SV2C: variants seen among roughly 807,000 people sequenced by gnomAD.
SV2C encodes the protein solute carrier family 22 member B3.
A neutral mutation model predicts 79.7 loss-of-function variants in SV2C; 49 were observed. The ratio of observed to expected loss-of-function variants is 0.61; its 90% CI spans 0.49 to 0.78. SV2C has a LOEUF of 0.78. Ranked by LOEUF, SV2C falls within the 30% of genes least tolerant of loss-of-function variation. SV2C has a pLI of 0.00. For missense variants in SV2C, 833 were observed against 912.9 expected, an observed-to-expected ratio of 0.91 and a Z score of 1.13; for synonymous variants, 334 against 333.2, an observed-to-expected ratio of 1.00 and a Z score of -0.03.
intron 12 of SV2C, among the ~76,000 whole-genome samples, chr5:76,310,057 A>AC (rs1380968864): frequency 6.6e-6 from 1 of 152,164 alleles, no homozygotes; most frequent in African/African-American, 2.4e-5. Flanking sequence ...TTCAAAAAAA[A>AC]AAAATGATTA....
chr5:76,086,492 C>G (rs767052612), intron 1 of SV2C, among the ~76,000 whole-genome samples: 1 of 152,172 alleles, frequency 6.6e-6, no homozygotes, highest in African/African-American at 2.4e-5. Flanking sequence ...AAGGGAAAAC[C>G]TTCAATACAC....
the SV2C span, among the ~76,000 whole-genome samples, chr5:75,973,259 G>A: frequency 6.6e-6 from 1 of 151,776 alleles, no homozygotes; most frequent in Non-Finnish European, 1.5e-5. Flanking sequence ...ACACCAACAT[G>A]GCACATGTAT....
chr5:75,866,489 A>G, the SV2C span, among the ~76,000 whole-genome samples: 1 of 152,244 alleles, frequency 6.6e-6, no homozygotes, highest in Admixed American at 6.5e-5. Flanking sequence ...CTCAAAGAAG[A>G]TAGTGAATAT....
At chr5:76,160,136 A>C (rs929562318) in intron 2 of SV2C, among the ~76,000 whole-genome samples, 2 of 152,156 alleles carry the variant, frequency 1.3e-5, no homozygotes, top group African/African-American at 4.8e-5. Context: ...TTTGCAAATG[A>C]ATCTACAGAT....
chr5:76,236,116 C>T (rs1374433699), intron 4 of SV2C, among the ~76,000 whole-genome samples: 1 of 152,188 alleles, frequency 6.6e-6, no homozygotes, highest in African/African-American at 2.4e-5. Context: ...ATGTCAGCAG[C>T]ATACCCAAAG....
chr5:75,917,201 A>AT, the SV2C span, among the ~76,000 whole-genome samples: 2 of 152,128 alleles, frequency 1.3e-5, no homozygotes, highest in Non-Finnish European at 1.5e-5. Flanking sequence ...TAAGATAGTT[A>AT]TTTTTTTCAA....
rs1561303070 is a variant in SV2C at position 76,295,803 on chromosome 5, C to T, written c.1363C>T (p.Pro455Ser). 6.2e-7 allele frequency: 1 copy of T among 1,611,656 alleles called. No homozygotes were observed. The highest frequency in any genetic ancestry group is 1.7e-5 in the Admixed American group (1 of 59,210). ...FGYYGLSVWF[P>S]DVIKPLQSDE... ...GTACTATGGATTATCCGTTTGGTTC[C>T]CTGATGTCATTAAACCTCTGCAGTC... is the stretch of plus-strand genomic sequence containing the variant. Residue 455 changes from proline to serine, a missense_variant, in exon 9 of 13, where the codon CCT becomes TCT. By Grantham distance (74) the Pro-to-Ser change is moderately conservative. Coordinates refer to ENST00000502798, the MANE Select transcript of SV2C (RefSeq NM_014979.4).
chr5:76,064,747 G>T, the SV2C span, among the ~76,000 whole-genome samples: 1 of 152,090 alleles, frequency 6.6e-6, no homozygotes, highest in South Asian at 2.1e-4. Flanking sequence ...AGAAGGTTAA[G>T]GTCAACCTTT....
chr5:76,017,908 G>C, the SV2C span, among the ~76,000 whole-genome samples: 1,594 of 152,228 alleles, frequency 0.01, 21 homozygotes, highest in Non-Finnish European at 0.014. Context: ...ACACAGTTTG[G>C]GGGGATCATG....
the SV2C span, among the ~76,000 whole-genome samples, chr5:76,046,309 A>G: frequency 1.3e-5 from 2 of 152,150 alleles, no homozygotes; most frequent in African/African-American, 4.8e-5. Flanking sequence ...GTGCTAAAAT[A>G]TGCTAAAATA....
the SV2C span, among the ~76,000 whole-genome samples, chr5:75,914,050 G>C: frequency 3.4e-4 from 52 of 152,122 alleles, no homozygotes; most frequent in African/African-American, 1.2e-3. Flanking sequence ...TGGGTCTAAG[G>C]TCTTTTCATT....
At chr5:75,998,604 TAGTG>T in the SV2C span, among the ~76,000 whole-genome samples, 2 of 151,890 alleles carry the variant, frequency 1.3e-5, no homozygotes, top group East Asian at 1.9e-4. Context: ...CAGAACATGA[TAGTG>T]TGTGTGTGTA....
the SV2C span, among the ~76,000 whole-genome samples, chr5:75,856,808 C>T: frequency 0.028 from 4,236 of 152,180 alleles, 92 homozygotes; most frequent in Non-Finnish European, 0.043. Flanking sequence ...GATATGATCC[C>T]ATTTATCAAT....
chr5:76,171,924 C>T (rs1385244625), intron 2 of SV2C, among the ~76,000 whole-genome samples: 7 of 115,644 alleles, frequency 6.1e-5, no homozygotes, highest in African/African-American at 1.6e-4. Flanking sequence ...CCGCCCCGTC[C>T]GGGAGGGAGG....
the SV2C span, among the ~76,000 whole-genome samples, chr5:75,997,730 T>C: frequency 6.6e-6 from 1 of 152,206 alleles, no homozygotes; most frequent in African/African-American, 2.4e-5. Context: ...GGAAGACTTT[T>C]ACACTGTTGG....
intron 3 of SV2C, among the ~76,000 whole-genome samples, chr5:76,206,883 G>T (rs559950531): frequency 6.6e-6 from 1 of 152,044 alleles, no homozygotes; most frequent in Non-Finnish European, 1.5e-5. Flanking sequence ...TTTATATATC[G>T]CTGAGTCTAA....
chr5:75,972,277 A>C, the SV2C span, among the ~76,000 whole-genome samples: 17 of 152,252 alleles, frequency 1.1e-4, no homozygotes, highest in African/African-American at 4.1e-4. Flanking sequence ...CAAGGACTTC[A>C]TGTCTAAAAC....
At chr5:75,907,645 T>G in the SV2C span, among the ~76,000 whole-genome samples, 4 of 152,180 alleles carry the variant, frequency 2.6e-5, no homozygotes, top group Non-Finnish European at 5.9e-5. Flanking sequence ...TGTGCAGAAA[T>G]GTCAGCTAGT....
chr5:76,204,858 C>T (rs1022473242), intron 3 of SV2C, among the ~76,000 whole-genome samples: 7 of 152,150 alleles, frequency 4.6e-5, no homozygotes, highest in African/African-American at 9.7e-5. Context: ...TAAGACGAGG[C>T]GTGGCTGTGA....
Sources: allele counts gnomAD v4.1 joint callset (sites outside exome capture counted in the v4.1 genomes callset), GRCh38; gene constraint gnomAD v4.1.1; transcripts MANE v1.5; gene names NCBI Gene and HGNC (gene_info 2026-07-23, HGNC 2026-07-21).